The following MARCHF3 variants were observed in gnomAD, a reference collection of about 807,000 sequenced individuals.
MARCHF3 encodes E3 ubiquitin-protein ligase MARCHF3.
In MARCHF3, 13 loss-of-function variants were observed where a neutral mutation model predicts 24.2. The ratio of observed to expected loss-of-function variants is 0.54; its 90% CI spans 0.35 to 0.85. MARCHF3 has a LOEUF of 0.85. Ranked by LOEUF, MARCHF3 falls within the 40% of genes least tolerant of loss-of-function variation. The pLI is 0.01. For synonymous variants in MARCHF3, 144 were observed against 137.3 expected (o/e 1.05, Z -0.34); for missense variants, 276 against 325.0 (o/e 0.85, Z 1.16).
At chr5:126,871,762 G>A (rs966051282) in intron 4 of MARCHF3, among the ~76,000 whole-genome samples, 8 of 151,108 alleles carry the variant, frequency 5.3e-5, no homozygotes, top group African/African-American at 1.5e-4. Flanking sequence ...GCTCAAGTGC[G>A]GTGACATGAT....
intron 1 of MARCHF3, among the ~76,000 whole-genome samples, chr5:126,924,004 C>T (rs1336224360): frequency 6.6e-6 from 1 of 151,978 alleles, no homozygotes; most frequent in African/African-American, 2.4e-5. Flanking sequence ...GTGCAGGGTC[C>T]AGCCATCTCA....
chr5:126,919,935 G>A (rs1749044393), intron 1 of MARCHF3, among the ~76,000 whole-genome samples: 1 of 152,196 alleles, frequency 6.6e-6, no homozygotes, highest in South Asian at 2.1e-4. Flanking sequence ...GGCAGAGGCT[G>A]CCCCACTCAT....
intron 1 of MARCHF3, among the ~76,000 whole-genome samples, chr5:126,940,145 T>C (rs941746304): frequency 6.6e-6 from 1 of 152,176 alleles, no homozygotes; most frequent in Non-Finnish European, 1.5e-5. Flanking sequence ...CTCAGCTGCA[T>C]GTAGGGTGAC....
intron 3 of MARCHF3, among the ~76,000 whole-genome samples, chr5:126,908,924 G>T (rs565273127): frequency 8.5e-5 from 13 of 152,200 alleles, no homozygotes; most frequent in Non-Finnish European, 1.6e-4. Context: ...CAGTTTTTCT[G>T]CTGTGTTTCT....
At chr5:126,944,143 C>A (rs1021031054) in intron 1 of MARCHF3, among the ~76,000 whole-genome samples, 2 of 152,106 alleles carry the variant, frequency 1.3e-5, no homozygotes, top group African/African-American at 4.8e-5. Context: ...CATAATCCCA[C>A]CTCTCAACAC....
intron 1 of MARCHF3, among the ~76,000 whole-genome samples, chr5:126,949,398 A>G (rs1331115833): frequency 6.6e-6 from 1 of 152,236 alleles, no homozygotes; most frequent in Non-Finnish European, 1.5e-5. Flanking sequence ...AATGTGGAAT[A>G]TCTTCTAGGG....
At chr5:126,966,444 T>C (rs1207440483) in intron 1 of MARCHF3, among the ~76,000 whole-genome samples, 2 of 152,146 alleles carry the variant, frequency 1.3e-5, no homozygotes, top group African/African-American at 4.8e-5. Context: ...CCCCAAGAGT[T>C]TTCTGTATCC....
chr5:126,894,111 A>G (rs1484184663), intron 3 of MARCHF3, among the ~76,000 whole-genome samples: 4 of 139,444 alleles, frequency 2.9e-5, no homozygotes, highest in Non-Finnish European at 6.1e-5. Flanking sequence ...TAGGATTGCA[A>G]CCCCTGCCTT....
intron 1 of MARCHF3, among the ~76,000 whole-genome samples, chr5:126,951,739 G>A (rs953031943): frequency 6.6e-6 from 1 of 152,214 alleles, no homozygotes; most frequent in Admixed American, 6.5e-5. Flanking sequence ...ATCCAGCCAA[G>A]AGTAGATTAG....
chr5:126,873,095 G>C (rs1753028241), intron 4 of MARCHF3, among the ~76,000 whole-genome samples: 1 of 152,134 alleles, frequency 6.6e-6, no homozygotes, highest in South Asian at 2.1e-4. Flanking sequence ...ATGATGCTGA[G>C]AGCTGTGCAC....
At chr5:126,872,148 C>T (rs62392880) in intron 4 of MARCHF3, among the ~76,000 whole-genome samples, 19 of 140,380 alleles carry the variant, frequency 1.4e-4, no homozygotes, top group Middle Eastern at 4.3e-3. Flanking sequence ...GGCGCGATCT[C>T]GGCTCACCGC....
chr5:126,972,148 A>C (rs1052692506), intron 1 of MARCHF3, among the ~76,000 whole-genome samples: 1 of 151,976 alleles, frequency 6.6e-6, no homozygotes, highest in African/African-American at 2.4e-5. Context: ...TGCTGCTTTC[A>C]CAGAGTCCAA....
At chr5:126,892,726 T>C (rs1753738872) in intron 3 of MARCHF3, among the ~76,000 whole-genome samples, 1 of 149,928 alleles carries the variant, frequency 6.7e-6, no homozygotes. Context: ...TCAATGTTCA[T>C]CAAGGATATT....
chr5:126,890,714 T>A (rs1026494852), intron 3 of MARCHF3, among the ~76,000 whole-genome samples: 2 of 151,322 alleles, frequency 1.3e-5, no homozygotes, highest in Non-Finnish European at 3.0e-5. Context: ...GGGTTCCAAG[T>A]CTTTGCTATT....
chr5:126,992,286 G>C (rs1751792747), intron 1 of MARCHF3, among the ~76,000 whole-genome samples: 1 of 152,114 alleles, frequency 6.6e-6, no homozygotes. Context: ...ACATTCATAA[G>C]AATAATGTCA....
At chr5:126,964,595 T>C (rs1022447554) in intron 1 of MARCHF3, among the ~76,000 whole-genome samples, 4 of 152,196 alleles carry the variant, frequency 2.6e-5, no homozygotes, top group Admixed American at 2.0e-4. Flanking sequence ...ATGAGTCCAG[T>C]GAGTTTTTTT....
At position 126,868,984 on chromosome 5, in the gene MARCHF3, G is replaced by T. The variant is rs1752864013; in HGVS notation, c.*1649C>A. On this transcript the variant is annotated 3_prime_UTR_variant, in exon 5 of 5. Coordinates refer to ENST00000308660, the MANE Select transcript of MARCHF3 (RefSeq NM_178450.5). ...TGGAATTGAAGTGTCCCAGTGAAGC[G>T]TGGTGGGGAGGAAATCTATTGTCAC... 1 of 152,306 alleles carries T rather than the reference G, an allele frequency of 6.6e-6. No individual in the cohort carries two copies. The highest frequency in any genetic ancestry group is 6.5e-5 in the Admixed American group (1 of 15,278). 9.4% of individuals were successfully genotyped at this position (152,306 alleles called of 1,614,324 possible).
intron 1 of MARCHF3, among the ~76,000 whole-genome samples, chr5:126,935,561 C>T (rs1749615661): frequency 7.0e-6 from 1 of 143,848 alleles, no homozygotes; most frequent in Non-Finnish European, 1.5e-5. Context: ...GAGCAGAAAA[C>T]ACCAAAGAGC....
intron 1 of MARCHF3, among the ~76,000 whole-genome samples, chr5:127,026,378 C>A (rs114768281): frequency 1.3e-5 from 2 of 152,194 alleles, no homozygotes; most frequent in Admixed American, 6.5e-5. Flanking sequence ...AGGGCTAAAA[C>A]ACATGTCTAA....
Sources: allele counts gnomAD v4.1 joint callset (sites outside exome capture counted in the v4.1 genomes callset), GRCh38; gene constraint gnomAD v4.1.1; transcripts MANE v1.5; gene names NCBI Gene and HGNC (gene_info 2026-07-23, HGNC 2026-07-21).